Variants in SMURF2 observed in about 807,000 individuals in gnomAD.
SMURF2 encodes the protein E3 ubiquitin-protein ligase SMURF2.
SMURF2 carries 48 observed loss-of-function variants against 109.6 expected under a neutral mutation model. The ratio of observed to expected loss-of-function variants is 0.44; its 90% CI spans 0.35 to 0.56. The LOEUF (loss-of-function observed/expected upper bound fraction) is 0.56, where lower values mean the gene tolerates loss of function less well. SMURF2 is among the 20% of genes least tolerant of loss of function. The pLI is 0.01. For missense variants in SMURF2, 575 were observed against 909.0 expected, an observed-to-expected ratio of 0.63 and a Z score of 4.72; for synonymous variants, 288 against 317.1, an observed-to-expected ratio of 0.91 and a Z score of 0.97.
intron 1 of SMURF2, among the ~76,000 whole-genome samples, chr17:64,636,851 A>C (rs1401554375): frequency 1.3e-5 from 2 of 151,834 alleles, no homozygotes; most frequent in Non-Finnish European, 2.9e-5. Flanking sequence ...TAATTTATAA[A>C]TATTTTCTCT....
chr17:64,582,560 C>T (rs782111151), intron 7 of SMURF2, among the ~76,000 whole-genome samples: 1 of 152,150 alleles, frequency 6.6e-6, no homozygotes, highest in Non-Finnish European at 1.5e-5. Flanking sequence ...GATTCCTCTG[C>T]TTATCAATTT....
At chr17:64,646,166 A>C (rs1237402977) in intron 1 of SMURF2, among the ~76,000 whole-genome samples, 1 of 150,994 alleles carries the variant, frequency 6.6e-6, no homozygotes, top group African/African-American at 2.4e-5. Context: ...TCCAGGTTCA[A>C]GCAATTCTCA....
chr17:64,625,446 G>A (rs1555691073), intron 1 of SMURF2, among the ~76,000 whole-genome samples: 2 of 152,114 alleles, frequency 1.3e-5, no homozygotes. Flanking sequence ...AATGACATGT[G>A]TTCAAAAAAT....
chr17:64,549,188 G>A (rs528284167), intron 16 of SMURF2, among the ~76,000 whole-genome samples: 4 of 143,110 alleles, frequency 2.8e-5, no homozygotes, highest in East Asian at 2.0e-4. Flanking sequence ...CATGAGAATC[G>A]CTTGAACCCA....
At chr17:64,597,891 C>A (rs544395497) in intron 3 of SMURF2, among the ~76,000 whole-genome samples, 1 of 151,920 alleles carries the variant, frequency 6.6e-6, no homozygotes, top group African/African-American at 2.4e-5. Context: ...AAAGCAGTTG[C>A]CTTGAGGATG....
At chr17:64,561,377 A>T in intron 12 of SMURF2, 123 bp downstream of exon 12, 1 of 655,500 alleles carries the variant, frequency 1.5e-6, no homozygotes, top group Non-Finnish European at 2.6e-6. Context: ...GGATATCCTC[A>T]GTGATACAAA....
Position 64,606,586 on chromosome 17 carries a change from A to G in SMURF2, c.91+16T>C, listed in dbSNP as rs1555689069. The G allele has an allele frequency of 9.2e-6, 14 of 1,518,530 alleles. No homozygotes were observed. Among genetic ancestry groups the G allele is most frequent in the Non-Finnish European group, 1.3e-5 (14 of 1,116,892 alleles). The allele number at this position is 1,518,530 out of a possible 1,614,324, so 94.1% of individuals were successfully genotyped here. A position where few individuals can be genotyped will look rare whatever the true frequency, so the allele number is the denominator to read the frequency against. On this transcript the variant is annotated intron_variant, in intron 2 of 18. Transcript: ENST00000262435. ...ATCTACATACAATACACAAGATTTA[A>G]AGTTAATTTACTTACGGAAAAAATC...
At chr17:64,616,081 C>T (rs531679221) in intron 1 of SMURF2, among the ~76,000 whole-genome samples, 6 of 152,216 alleles carry the variant, frequency 3.9e-5, no homozygotes, top group Non-Finnish European at 5.9e-5. Flanking sequence ...CCACCTGCCT[C>T]GACCTCCCAA....
At chr17:64,660,392 A>T (rs7225784) in intron 1 of SMURF2, among the ~76,000 whole-genome samples, 75 of 151,742 alleles carry the variant, frequency 4.9e-4, no homozygotes, top group African/African-American at 1.8e-3. Flanking sequence ...ACACTGAATG[A>T]GGGGGGAGGG....
intron 9 of SMURF2, among the ~76,000 whole-genome samples, chr17:64,577,991 C>T (rs962943552): frequency 2.3e-4 from 33 of 142,046 alleles, no homozygotes; most frequent in Middle Eastern, 3.8e-3. Context: ...TGTGGCCAGG[C>T]TGGAGTGCAG....
intron 1 of SMURF2, among the ~76,000 whole-genome samples, chr17:64,659,430 A>G (rs544830965): frequency 9.9e-5 from 15 of 152,054 alleles, no homozygotes; most frequent in Non-Finnish European, 2.1e-4. Context: ...TTTTTCCTCT[A>G]TTAGGCAACC....
chr17:64,560,173 C>CCA (rs1194197304), intron 12 of SMURF2, among the ~76,000 whole-genome samples: 1 of 151,828 alleles, frequency 6.6e-6, no homozygotes, highest in African/African-American at 2.4e-5. Flanking sequence ...CATGATCACA[C>CCA]CACTGCACTC....
At chr17:64,596,235 G>T (rs1969815232) in intron 3 of SMURF2, among the ~76,000 whole-genome samples, 1 of 151,934 alleles carries the variant, frequency 6.6e-6, no homozygotes, top group Admixed American at 6.6e-5. Context: ...GTTGTAGCTG[G>T]ATTACAGGTG....
rs566147616 is a variant in SMURF2, at chr17:64,557,480, A to G, written c.1431+128T>C. 4.7e-6 allele frequency: 3 copies of G among 641,850 alleles called. No individual in the cohort carries two copies. In the East Asian group the frequency reaches 9.1e-5, roughly 19 times the overall value. 39.8% of individuals were successfully genotyped at this position (641,850 alleles called of 1,614,324 possible). ...CATCTGCTTGGGAAAATTTTATAGA[A>G]GGGGAATTGCTGAGTCAAAGGGCAC... On this transcript the variant is annotated intron_variant, in intron 13 of 18. Coordinates refer to ENST00000262435, the MANE Select transcript of SMURF2 (RefSeq NM_022739.4).
At chr17:64,580,247 A>C (rs543691794) in intron 8 of SMURF2, among the ~76,000 whole-genome samples, 10 of 152,364 alleles carry the variant, frequency 6.6e-5, no homozygotes, top group Non-Finnish European at 1.3e-4. Context: ...TCCACATGAA[A>C]CTTTATAATC....
intron 3 of SMURF2, chr17:64,594,050 T>C (rs1969783604): frequency 6.5e-6 from 1 of 153,344 alleles, no homozygotes; most frequent in Non-Finnish European, 1.5e-5. Context: ...CCCCTGCTTC[T>C]TTCCTGTATG....
At chr17:64,553,005 GTTCT>G (rs764431033) in intron 15 of SMURF2, among the ~76,000 whole-genome samples, 84 of 152,058 alleles carry the variant, frequency 5.5e-4, no homozygotes, top group Non-Finnish European at 9.6e-4. Flanking sequence ...CACCCAGCCT[GTTCT>G]TTCATTTTTT....
intron 1 of SMURF2, among the ~76,000 whole-genome samples, chr17:64,648,879 G>GT (rs1166354070): frequency 5.9e-5 from 9 of 151,896 alleles, no homozygotes; most frequent in Non-Finnish European, 8.8e-5. Context: ...TTTCCTTATA[G>GT]TTTTTTTTCC....
chr17:64,547,860 T>C lies in SMURF2; in HGVS notation c.1870-59A>G. 1.3e-6 allele frequency: 2 copies of C among 1,489,228 alleles called. No individual in the cohort carries two copies. Among genetic ancestry groups the C allele is most frequent in the South Asian group, 2.3e-5 (2 of 87,960 alleles). 92.3% of individuals were successfully genotyped at this position (1,489,228 alleles called of 1,614,324 possible). On this transcript the variant is annotated intron_variant, in intron 16 of 18. Transcript: ENST00000262435. The surrounding 1 kb of genome is among the most constrained non-coding windows in gnomAD (Gnocchi z 4.2). ...AAACCACAGCCAGACCAAAAATTCC[T>C]CAAAAGAGAACTTTAGGTTTGTACT... is the stretch of plus-strand genomic sequence containing the variant.
Sources: allele counts gnomAD v4.1 joint callset (sites outside exome capture counted in the v4.1 genomes callset), GRCh38; gene constraint gnomAD v4.1.1; non-coding constraint Gnocchi (gnomAD v3.1); transcripts MANE v1.5; gene names NCBI Gene and HGNC (gene_info 2026-07-23, HGNC 2026-07-21).